Variants in ELP4 observed in about 807,000 individuals in gnomAD.
ELP4 encodes elongator complex protein 4.
Under a neutral mutation model 48.9 loss-of-function variants are expected in ELP4, and 51 were observed. The ratio of observed to expected loss-of-function variants is 1.04; its 90% CI spans 0.83 to 1.32. The LOEUF (loss-of-function observed/expected upper bound fraction) is 1.32. ELP4 is among the 40% of genes most tolerant of loss of function. The pLI, the probability that ELP4 is intolerant of heterozygous loss-of-function variation, is 0.00. For missense variants in ELP4, 519 were observed against 514.6 expected (o/e 1.01, Z -0.08); for synonymous variants, 210 against 189.2 (o/e 1.11, Z -0.90).
At chr11:31,565,578 A>G (rs1957097323) in intron 3 of ELP4, among the ~76,000 whole-genome samples, 1 of 146,634 alleles carries the variant, frequency 6.8e-6, no homozygotes, top group Admixed American at 6.8e-5. Flanking sequence ...ATCCAGTTTC[A>G]GCTTTCTACA....
At chr11:31,713,413 A>G (rs992163878) in intron 9 of ELP4, among the ~76,000 whole-genome samples, 3 of 152,194 alleles carry the variant, frequency 2.0e-5, no homozygotes, top group African/African-American at 7.2e-5. Context: ...GGAATTCTGT[A>G]TCAATAACAT....
chr11:31,590,035 T>G (rs1223921596), intron 3 of ELP4, among the ~76,000 whole-genome samples: 1 of 152,172 alleles, frequency 6.6e-6, no homozygotes, highest in South Asian at 2.1e-4. Context: ...CCAGCTCCAT[T>G]TTTTACTAGC....
chr11:31,603,952 T>G, intron 5 of ELP4, 45 bp downstream of exon 5: 1 of 1,540,818 alleles, frequency 6.5e-7, no homozygotes, highest in Non-Finnish European at 8.9e-7. Context: ...TTTCAAATAT[T>G]AGTAGAATGC....
intron 2 of ELP4, 36 bp downstream of exon 2, chr11:31,520,127 AT>A (rs779939365): frequency 3.2e-6 from 5 of 1,575,674 alleles, no homozygotes; most frequent in Non-Finnish European, 4.3e-6. Context: ...CTCCTCTATC[AT>A]TGTTTTCTGT....
intron 7 of ELP4, among the ~76,000 whole-genome samples, chr11:31,638,056 A>T (rs1481609887): frequency 6.6e-6 from 1 of 151,908 alleles, no homozygotes; most frequent in Non-Finnish European, 1.5e-5. Flanking sequence ...AATTAATAAA[A>T]TTAGAAATGG....
At chr11:31,665,820 A>AATTTTTCT (rs1945661294) in intron 9 of ELP4, among the ~76,000 whole-genome samples, 1 of 150,598 alleles carries the variant, frequency 6.6e-6, no homozygotes, top group Non-Finnish European at 1.5e-5. Flanking sequence ...ATGCCCAGCT[A>AATTTTTCT]ATTTTTCTAT....
rs1378658112 is a variant in ELP4, at chr11:31,650,187, CT to C, written c.1113del (p.Phe371LeufsTer3). 4 of 1,493,928 alleles carry C rather than the reference CT, an allele frequency of 2.7e-6. No individual in the cohort carries two copies. The highest frequency in any genetic ancestry group is 2.8e-6 in the Non-Finnish European group (3 of 1,082,566). The allele number at this position is 1,493,928 out of a possible 1,614,324, so 92.5% of individuals were successfully genotyped here. Reference sequence around the variant, plus strand: ...GATGAATCAGATGTCAAAGACTTAGCTTTTAAATTAAAAAGGAAGCTATTCA... The same window carrying C: ...GATGAATCAGATGTCAAAGACTTAGCTTTAAATTAAAAAGGAAGCTATTCA... ...ICDESDVKDL[A>X]FKLKRKLFTI... On this transcript the variant is annotated frameshift_variant, in exon 9 of 10. Transcript: ENST00000640961. LOFTEE classifies it high-confidence loss of function.
At chr11:31,630,323 T>C (rs1200958635) in intron 6 of ELP4, among the ~76,000 whole-genome samples, 2 of 150,604 alleles carry the variant, frequency 1.3e-5, no homozygotes, top group African/African-American at 4.9e-5. Flanking sequence ...CAATGTTATC[T>C]TCTCTCCTTT....
intron 9 of ELP4, chr11:31,651,746 A>C (rs183152032): frequency 6.6e-6 from 1 of 151,740 alleles, no homozygotes; most frequent in Non-Finnish European, 1.5e-5. Flanking sequence ...CAAAATCAGT[A>C]TTCTAACAAC....
chr11:31,580,042 G>T lies in ELP4; in HGVS notation c.382-14728G>T, dbSNP rs11031416. Among the ~76,000 whole-genome samples the T allele has an allele frequency of 3.5e-3, 526 of 152,252 alleles. 6 individuals are homozygous for T. The highest frequency in any genetic ancestry group is 0.012 in the African/African-American group (503 of 41,550). ...AATATGCCCCTTCACTTTGCAAAAA[G>T]AAATATCAAAGTTAATGGATGGAGG... On this transcript the variant is annotated intron_variant, in intron 3 of 9. Coordinates refer to ENST00000640961, the MANE Select transcript of ELP4 (RefSeq NM_019040.5).
chr11:31,534,004 GT>G (rs1331362086), intron 2 of ELP4, among the ~76,000 whole-genome samples: 1 of 150,406 alleles, frequency 6.6e-6, no homozygotes, highest in Non-Finnish European at 1.5e-5. Context: ...CCCAGCTAAT[GT>G]TTTTGTATTT....
At position 31,538,803 on chromosome 11, in the gene ELP4, A is replaced by G. The variant is rs114362770; in HGVS notation, c.260-859A>G. On this transcript the variant is annotated intron_variant, in intron 2 of 9. Transcript: ENST00000640961. ...TTCTGTTTCTGTTGTATCTTGTTCT[A>G]TTTTGGTATTGGGGTAACACTGGCC... Among the ~76,000 whole-genome samples, 339 of 152,086 alleles carry G rather than the reference A, an allele frequency of 2.2e-3. 3 individuals carry two copies. The highest frequency in any genetic ancestry group is 7.5e-3 in the African/African-American group (311 of 41,520).
At chr11:31,522,346 AATT>A (rs1465353018) in intron 2 of ELP4, among the ~76,000 whole-genome samples, 1 of 152,218 alleles carries the variant, frequency 6.6e-6, no homozygotes, top group Non-Finnish European at 1.5e-5. Flanking sequence ...CGTTCCTTGA[AATT>A]ATAGTGTCCT....
chr11:31,636,915 A>T (rs1367324307), intron 7 of ELP4, among the ~76,000 whole-genome samples: 1 of 152,014 alleles, frequency 6.6e-6, no homozygotes, highest in Non-Finnish European at 1.5e-5. Flanking sequence ...ATATAATCTT[A>T]AACAATTTTC....
rs367795416 is a variant in ELP4 at position 31,668,675 on chromosome 11, CGTGTGTGTGTGTGT to C, written c.1143+18487_1143+18500del. On this transcript the variant is annotated intron_variant, in intron 9 of 9. Transcript: ENST00000640961. ...ATCGGAATGAAATTTCCTTTGGTAC[CGTGTGTGTGTGTGT>C]GTGTGTGTGTGTGTGTGTGTGTGTG... 4.1e-4 allele frequency among the ~76,000 whole-genome samples: 50 copies of C among 121,116 alleles called. 2 individuals carry two copies. Among genetic ancestry groups the C allele is most frequent in the African/African-American group, 1.1e-3 (34 of 32,256 alleles). 79.5% of individuals were successfully genotyped at this position (121,116 alleles called of 152,430 possible). A position where few individuals can be genotyped will look rare whatever the true frequency, so the allele number is the denominator to read the frequency against.
At chr11:31,510,555 C>T in intron 1 of ELP4, 1 of 398,580 alleles carries the variant, frequency 2.5e-6, no homozygotes, top group Non-Finnish European at 4.4e-6. Context: ...GACACATAAT[C>T]CTTATAAAGT....
chr11:31,559,160 A>C (rs1334992033), intron 3 of ELP4, among the ~76,000 whole-genome samples: 1 of 152,200 alleles, frequency 6.6e-6, no homozygotes, highest in Non-Finnish European at 1.5e-5. Flanking sequence ...TATTTTGTAC[A>C]AAAGGATAAC....
chr11:31,647,777 G>A lies in ELP4; in HGVS notation c.964G>A (p.Asp322Asn), dbSNP rs766767508. 3 of 1,609,730 alleles carry A rather than the reference G, an allele frequency of 1.9e-6. No individual in the cohort carries two copies. The highest frequency in any genetic ancestry group is 2.5e-6 in the Non-Finnish European group (3 of 1,176,952). ...TATTGCCCGTGTCACAACCTTGTCA[G>A]ATGTAGTAGTTGGTCTGGAATCATT... ...AIIARVTTLS[D>N]VVVGLESFIG... Residue 322 changes from aspartate (D) to asparagine (N), a missense_variant, in exon 8 of 10, where the codon GAT becomes AAT. Asp to Asn is a conservative substitution (Grantham distance 23, BLOSUM62 1). Coordinates refer to ENST00000640961, the MANE Select transcript of ELP4 (RefSeq NM_019040.5).
rs181956435 is a variant in ELP4 at position 31,627,132 on chromosome 11, A to G, written c.676A>G (p.Lys226Glu). Residue 226 changes from lysine to glutamate, a missense_variant, in exon 6 of 10, where the codon AAG becomes GAG. Transcript: ENST00000640961. Reference sequence around the variant, plus strand: ...CAGTTCTTTGACCCCTGGCTACACAAAGCTGCTTCAGTTTATCCAGAACAT... The same window carrying G: ...CAGTTCTTTGACCCCTGGCTACACAGAGCTGCTTCAGTTTATCCAGAACAT... Reference protein sequence around the residue: ...EPCSLTPGYTKLLQFIQNIIY... With the variant: ...EPCSLTPGYTELLQFIQNIIY... The G allele has an allele frequency of 9.0e-5, 144 of 1,608,614 alleles. No homozygotes were observed. In the East Asian group the frequency reaches 2.1e-3, roughly 24 times the overall value.
Sources: gnomAD v4.1 joint callset for allele counts (sites outside exome capture counted in the v4.1 genomes callset) on GRCh38, gnomAD v4.1.1 for gene constraint, MANE v1.5 for transcripts, NCBI Gene and HGNC (gene_info 2026-07-23, HGNC 2026-07-21) for gene names.